The following ANKS1B variants were observed in gnomAD, a reference collection of about 807,000 sequenced individuals.
ANKS1B encodes ankyrin repeat and sterile alpha motif domain containing 1B, also known as ankyrin repeat and sterile alpha motif domain-containing protein 1B.
In ANKS1B, 36 loss-of-function variants were observed where a neutral mutation model predicts 148.3. The ratio of observed to expected loss-of-function variants is 0.24; its 90% CI spans 0.19 to 0.32. The LOEUF is 0.32. Ranked by LOEUF, ANKS1B falls within the 10% of genes least tolerant of loss-of-function variation. The pLI is 1.00. For synonymous variants in ANKS1B, 542 were observed against 560.8 expected, an observed-to-expected ratio of 0.97 and a Z score of 0.47; for missense variants, 1,157 against 1,542.6, an observed-to-expected ratio of 0.75 and a Z score of 4.19.
intron 9 of ANKS1B, among the ~76,000 whole-genome samples, chr12:99,568,254 C>A (rs1057204489): frequency 2.0e-5 from 3 of 152,136 alleles, no homozygotes; most frequent in African/African-American, 4.8e-5. Flanking sequence ...GGGCTCATGG[C>A]CTCTTCCTCT....
rs181604120 is a variant in ANKS1B, at chr12:98,775,589, C to A, written c.3442-2410G>T. 2.3e-3 allele frequency among the ~76,000 whole-genome samples: 356 copies of A among 151,924 alleles called. 1 individual carries two copies. Among genetic ancestry groups the A allele is most frequent in the Non-Finnish European group, 4.3e-3 (289 of 67,960 alleles). ...CCTCCTGAGTAGCTGGGACTACAGG[C>A]ATGCACCACCAGCCTGGCTTATTTT... On this transcript the variant is annotated intron_variant, in intron 24 of 26. Coordinates refer to ENST00000683438, the MANE Select transcript of ANKS1B (RefSeq NM_001352186.2).
At chr12:99,577,535 C>G (rs1413193553) in intron 9 of ANKS1B, among the ~76,000 whole-genome samples, 1 of 151,452 alleles carries the variant, frequency 6.6e-6, no homozygotes, top group East Asian at 1.9e-4. Context: ...TCAGAAATGA[C>G]AAAAGGGATA....
At chr12:98,800,354 G>A (rs183666313) in intron 21 of ANKS1B, among the ~76,000 whole-genome samples, 119 of 151,522 alleles carry the variant, frequency 7.9e-4, no homozygotes, top group African/African-American at 2.7e-3. Context: ...TGATTGAAAT[G>A]TTTCTTTTTA....
chr12:99,844,257 G>C (rs1686871079), intron 1 of ANKS1B, among the ~76,000 whole-genome samples: 1 of 152,056 alleles, frequency 6.6e-6, no homozygotes, highest in Non-Finnish European at 1.5e-5. Context: ...GATCCTATTT[G>C]TCAATTTTTG....
In ANKS1B at chr12:99,400,283, A is replaced by G. The variant is rs371922299; in HGVS notation, c.1576-472T>C. Among the ~76,000 whole-genome samples the G allele has an allele frequency of 1.4e-5, 2 of 146,426 alleles. 1 individual carries two copies. The highest frequency in any genetic ancestry group is 3.8e-4 in the East Asian group (2 of 5,202). On this transcript the variant is annotated intron_variant, in intron 11 of 26. Coordinates refer to ENST00000683438, the MANE Select transcript of ANKS1B (RefSeq NM_001352186.2). ...AATAGTCCAAGGAATTGGTGGCATT[A>G]GATATTGTTCCCAAGTACAAGATGC...
intron 1 of ANKS1B, among the ~76,000 whole-genome samples, chr12:99,871,428 T>A (rs1342659858): frequency 1.3e-5 from 2 of 152,178 alleles, no homozygotes; most frequent in African/African-American, 4.8e-5. Flanking sequence ...TTTAGAATAG[T>A]CTTTTCTAAT....
intron 8 of ANKS1B, among the ~76,000 whole-genome samples, chr12:99,744,829 T>C (rs1468746230): frequency 6.6e-6 from 1 of 151,696 alleles, no homozygotes; most frequent in East Asian, 1.9e-4. Flanking sequence ...CTGTCTCTAT[T>C]AAAAATACAA....
In ANKS1B at chr12:99,334,151, T is replaced by C. The variant is rs144957669; in HGVS notation, c.1756+65480A>G. ...CTAAATAGATAGATAGATAGATAGATAGACAGACAGACAGACAGACAGACA... is the reference window on the plus strand; with the variant it reads ...CTAAATAGATAGATAGATAGATAGACAGACAGACAGACAGACAGACAGACA... On this transcript the variant is annotated intron_variant, in intron 12 of 26. Coordinates refer to ENST00000683438, the MANE Select transcript of ANKS1B (RefSeq NM_001352186.2). Among the ~76,000 whole-genome samples, 341 of 150,258 alleles carry C rather than the reference T, an allele frequency of 2.3e-3. 4 individuals carry two copies. In the South Asian group the frequency reaches 0.033, roughly 14 times the overall value.
intron 12 of ANKS1B, among the ~76,000 whole-genome samples, chr12:99,300,297 A>G (rs1007133266): frequency 1.7e-4 from 25 of 147,866 alleles, no homozygotes; most frequent in African/African-American, 5.7e-4. Context: ...GCTAAATAGG[A>G]CAAATATAGC....
intron 10 of ANKS1B, among the ~76,000 whole-genome samples, chr12:99,494,324 A>G (rs1369310966): frequency 6.6e-6 from 1 of 152,198 alleles, no homozygotes; most frequent in African/African-American, 2.4e-5. Flanking sequence ...GAATAAAGAG[A>G]GAACACTAGC....
intron 1 of ANKS1B, among the ~76,000 whole-genome samples, chr12:99,859,997 C>T (rs143739580): frequency 6.6e-6 from 1 of 152,124 alleles, no homozygotes; most frequent in South Asian, 2.1e-4. Flanking sequence ...CAGAAATTCT[C>T]AAGAATTACT....
chr12:99,090,194 T>C (rs1045597105), intron 15 of ANKS1B, among the ~76,000 whole-genome samples: 3 of 152,206 alleles, frequency 2.0e-5, no homozygotes, highest in Non-Finnish European at 2.9e-5. Context: ...AAAACAGCTA[T>C]TTACCAAAAA....
At chr12:98,911,284 T>C (rs2099786525) in intron 17 of ANKS1B, among the ~76,000 whole-genome samples, 1 of 152,164 alleles carries the variant, frequency 6.6e-6, no homozygotes, top group South Asian at 2.1e-4. Context: ...AGTGTCAAGA[T>C]GATGAAACTG....
chr12:99,132,793 C>T (rs558458237), intron 15 of ANKS1B, among the ~76,000 whole-genome samples: 2 of 152,234 alleles, frequency 1.3e-5, no homozygotes, highest in African/African-American at 4.8e-5. Flanking sequence ...ATATCCACCT[C>T]AAAAAGTTGT....
chr12:99,439,005 A>C (rs1319182342), intron 11 of ANKS1B, among the ~76,000 whole-genome samples: 1 of 151,938 alleles, frequency 6.6e-6, no homozygotes, highest in African/African-American at 2.4e-5. Flanking sequence ...CATTTAAATA[A>C]AATTAAAATG....
At chr12:98,919,193 T>C (rs2099798164) in intron 17 of ANKS1B, among the ~76,000 whole-genome samples, 1 of 152,246 alleles carries the variant, frequency 6.6e-6, no homozygotes, top group African/African-American at 2.4e-5. Context: ...TATTTAACTT[T>C]TCTGTTCACT....
rs539238921 is a variant in ANKS1B at position 99,473,529 on chromosome 12, C to CA, written c.1439-29721dup. Among the ~76,000 whole-genome samples, 155 of 152,034 alleles carry CA rather than the reference C, an allele frequency of 1.0e-3. 1 individual carries two copies. Among genetic ancestry groups the CA allele is most frequent in the African/African-American group, 3.5e-3 (144 of 41,534 alleles). On this transcript the variant is annotated intron_variant, in intron 10 of 26. Coordinates refer to ENST00000683438, the MANE Select transcript of ANKS1B (RefSeq NM_001352186.2). Reference sequence around the variant, plus strand: ...TTAAAAATATTGATGAATTGTCATCCAATGTGGAGTACCAATTTATAGTCC... The same window carrying CA: ...TTAAAAATATTGATGAATTGTCATCCAAATGTGGAGTACCAATTTATAGTCC...
intron 1 of ANKS1B, among the ~76,000 whole-genome samples, chr12:99,855,053 C>T (rs1011151152): frequency 4.0e-5 from 6 of 151,864 alleles, no homozygotes; most frequent in Non-Finnish European, 5.9e-5. Flanking sequence ...CCTCACATCT[C>T]GATACTAACA....
chr12:98,767,466 T>C (rs2098500234), intron 25 of ANKS1B, among the ~76,000 whole-genome samples: 1 of 148,454 alleles, frequency 6.7e-6, no homozygotes, highest in African/African-American at 2.4e-5. Context: ...TACGCACTCC[T>C]GAGACCGTCT....
Sources: gnomAD v4.1 joint callset for allele counts (sites outside exome capture counted in the v4.1 genomes callset) on GRCh38, gnomAD v4.1.1 for gene constraint, MANE v1.5 for transcripts, NCBI Gene and HGNC (gene_info 2026-07-23, HGNC 2026-07-21) for gene names.